Variants in CTNNA3 observed in about 807,000 individuals in gnomAD.
CTNNA3 encodes the protein catenin alpha 3, also known as catenin alpha-3.
Under a neutral mutation model 95.7 loss-of-function variants are expected in CTNNA3, and 76 were observed. The ratio of observed to expected loss-of-function variants is 0.79; its 90% CI spans 0.66 to 0.96. The LOEUF (loss-of-function observed/expected upper bound fraction) is 0.96, where lower values mean the gene tolerates loss of function less well. Ranked by LOEUF, CTNNA3 falls within the 40% of genes least tolerant of loss-of-function variation. The pLI is 0.00. For missense variants in CTNNA3, 1,191 were observed against 1,089.8 expected, an observed-to-expected ratio of 1.09 and a Z score of -1.31; for synonymous variants, 431 against 374.4, an observed-to-expected ratio of 1.15 and a Z score of -1.74.
rs530122252 is a variant in CTNNA3, at chr10:67,407,933, GA to G, written c.579+113908del. 4.1e-5 allele frequency among the ~76,000 whole-genome samples: 6 copies of G among 145,724 alleles called. No individual in the cohort carries two copies. The East Asian group carries it at 1.2e-3, about 29-fold the overall frequency. On this transcript the variant is annotated intron_variant, in intron 5 of 17. Transcript: ENST00000433211. ...AATCAGAGATGACACAAACAAATGG[GA>G]AATCATTCAACAACAGGCAAGTAGA... is the stretch of plus-strand genomic sequence containing the variant.
chr10:67,151,633 A>G (rs1489778480), intron 7 of CTNNA3, among the ~76,000 whole-genome samples: 1 of 152,158 alleles, frequency 6.6e-6, no homozygotes, highest in Non-Finnish European at 1.5e-5. Flanking sequence ...TGTGCTCCCC[A>G]AGGTTTCTGT....
At chr10:66,240,019 TTAATC>T (rs1279227667) in intron 13 of CTNNA3, among the ~76,000 whole-genome samples, 6 of 151,988 alleles carry the variant, frequency 3.9e-5, no homozygotes, top group Non-Finnish European at 8.8e-5. Flanking sequence ...GCTATATAGA[TTAATC>T]TATATCTATA....
chr10:67,301,740 G>A (rs1015989276), intron 5 of CTNNA3, among the ~76,000 whole-genome samples: 2 of 152,232 alleles, frequency 1.3e-5, no homozygotes, highest in South Asian at 2.1e-4. Context: ...AGGCCAAGGC[G>A]GGTGGATCAC....
chr10:67,379,434 T>G (rs1460925171), intron 5 of CTNNA3, among the ~76,000 whole-genome samples: 1 of 152,210 alleles, frequency 6.6e-6, no homozygotes, highest in African/African-American at 2.4e-5. Context: ...TTGAAAGGCA[T>G]TATACAAAGA....
chr10:67,330,285 T>C (rs1488394909), intron 5 of CTNNA3, among the ~76,000 whole-genome samples: 1 of 152,196 alleles, frequency 6.6e-6, no homozygotes, highest in Admixed American at 6.5e-5. Flanking sequence ...GTTCTGTGTC[T>C]ATTCTGCCCA....
chr10:67,132,102 T>C (rs77084437), intron 7 of CTNNA3, among the ~76,000 whole-genome samples: 3,932 of 152,150 alleles, frequency 0.026, 164 homozygotes, highest in East Asian at 0.14. Context: ...CAGACAAGGA[T>C]AGAGCAAAAT....
rs567077278 is a variant in CTNNA3 at position 67,133,575 on chromosome 10, G to GA, written c.1047+46741dup. ...ATTGCTGAGAATTATGCCACATAGA[G>GA]AAAAAATGTAGTTAGAAGAAGGGAT... On this transcript the variant is annotated intron_variant, in intron 7 of 17. Transcript: ENST00000433211. Among the ~76,000 whole-genome samples the GA allele has an allele frequency of 2.2e-3, 335 of 151,580 alleles. 1 individual carries two copies. The highest frequency in any genetic ancestry group is 2.7e-3 in the Non-Finnish European group (181 of 67,826).
chr10:67,172,184 G>A (rs1316086759), intron 7 of CTNNA3, among the ~76,000 whole-genome samples: 1 of 152,156 alleles, frequency 6.6e-6, no homozygotes, highest in Non-Finnish European at 1.5e-5. Flanking sequence ...CTCCTCTGAA[G>A]CCTGATCCAC....
intron 5 of CTNNA3, among the ~76,000 whole-genome samples, chr10:67,411,915 A>T (rs941731457): frequency 1.3e-5 from 2 of 152,110 alleles, no homozygotes; most frequent in Non-Finnish European, 2.9e-5. Flanking sequence ...ACTGGCTGTC[A>T]TTTAATTCTT....
intron 12 of CTNNA3, among the ~76,000 whole-genome samples, chr10:66,286,970 A>G (rs2091598949): frequency 2.0e-5 from 3 of 152,176 alleles, no homozygotes; most frequent in Non-Finnish European, 4.4e-5. Flanking sequence ...ATTTGAGGGT[A>G]CATATGATAA....
intron 1 of CTNNA3, among the ~76,000 whole-genome samples, chr10:67,759,156 A>T (rs1168043826): frequency 6.6e-6 from 1 of 152,226 alleles, no homozygotes; most frequent in African/African-American, 2.4e-5. Context: ...CAATTCCTTG[A>T]TAATTATTTC....
At chr10:66,559,169 C>G (rs1387097203) in intron 10 of CTNNA3, among the ~76,000 whole-genome samples, 1 of 152,070 alleles carries the variant, frequency 6.6e-6, no homozygotes, top group East Asian at 1.9e-4. Flanking sequence ...CAAATCATCT[C>G]CTTCTAGCTA....
chr10:66,762,457 C>A (rs1839639233), intron 9 of CTNNA3, among the ~76,000 whole-genome samples: 1 of 152,000 alleles, frequency 6.6e-6, no homozygotes, highest in South Asian at 2.1e-4. Flanking sequence ...CCACAAAGAT[C>A]TAGATTCTCC....
intron 3 of CTNNA3, among the ~76,000 whole-genome samples, chr10:67,564,687 AT>A (rs1841688469): frequency 1.4e-5 from 1 of 68,978 alleles, no homozygotes; most frequent in Non-Finnish European, 2.5e-5. Flanking sequence ...GTATATATAT[AT>A]ATATATATAT....
rs552037507 is a variant in CTNNA3, at chr10:66,115,309, G to C, written c.1885-12060C>G. Among the ~76,000 whole-genome samples the C allele has an allele frequency of 2.6e-5, 4 of 152,294 alleles. No homozygotes were observed. The South Asian group carries it at 8.3e-4, about 32-fold the overall frequency. On this transcript the variant is annotated intron_variant, in intron 13 of 17. Transcript: ENST00000433211. ...AAAGGGGGTGGTGACAGCAGATACAGAGAAGTGTCCCTTACCAGGTCCCAT... is the reference window on the plus strand; with the variant it reads ...AAAGGGGGTGGTGACAGCAGATACACAGAAGTGTCCCTTACCAGGTCCCAT...
At chr10:66,280,036 A>AT in intron 13 of CTNNA3, among the ~76,000 whole-genome samples, 1 of 152,120 alleles carries the variant, frequency 6.6e-6, no homozygotes, top group African/African-American at 2.4e-5. Context: ...ACACTCTGTG[A>AT]TTTTATGATC....
intron 2 of CTNNA3, among the ~76,000 whole-genome samples, chr10:67,644,853 T>C (rs1165719527): frequency 6.6e-6 from 1 of 152,134 alleles, no homozygotes; most frequent in Non-Finnish European, 1.5e-5. Flanking sequence ...CAAAGTACTT[T>C]TAAGAAATCA....
chr10:65,975,181 C>G (rs149919043), intron 16 of CTNNA3, among the ~76,000 whole-genome samples: 1 of 152,130 alleles, frequency 6.6e-6, no homozygotes, highest in Non-Finnish European at 1.5e-5. Flanking sequence ...TGCAGAAATA[C>G]TATCAATCTG....
At chr10:66,228,582 A>C (rs2089437435) in intron 13 of CTNNA3, among the ~76,000 whole-genome samples, 2 of 152,024 alleles carry the variant, frequency 1.3e-5, no homozygotes, top group African/African-American at 4.8e-5. Context: ...TTGTGACCTA[A>C]CTTTGTGCTG....
Sources: gnomAD v4.1 joint callset for allele counts (sites outside exome capture counted in the v4.1 genomes callset) on GRCh38, gnomAD v4.1.1 for gene constraint, MANE v1.5 for transcripts, NCBI Gene and HGNC (gene_info 2026-07-23, HGNC 2026-07-21) for gene names.